Variants in FHIT observed in about 807,000 individuals in gnomAD.
The protein encoded by FHIT is fragile histidine triad diadenosine triphosphatase.
In FHIT, 19 loss-of-function variants were observed where a neutral mutation model predicts 17.9. That is an observed-to-expected ratio of 1.06 (90% CI 0.74 to 1.56). FHIT has a LOEUF of 1.56. Among genes scored for constraint, FHIT ranks in the 40% most tolerant of loss-of-function variants. FHIT has a pLI of 0.00. For missense variants in FHIT, 248 were observed against 189.2 expected, an observed-to-expected ratio of 1.31 and a Z score of -1.82; for synonymous variants, 81 against 69.7, an observed-to-expected ratio of 1.16 and a Z score of -0.81.
chr3:60,490,315 C>T (rs1291194179), intron 5 of FHIT, among the ~76,000 whole-genome samples: 1 of 152,054 alleles, frequency 6.6e-6, no homozygotes, highest in African/African-American at 2.4e-5. Context: ...AATAAACTCT[C>T]ACCTTAGTTA....
intron 5 of FHIT, among the ~76,000 whole-genome samples, chr3:60,228,118 A>C (rs1170563452): frequency 6.6e-6 from 1 of 152,152 alleles, no homozygotes; most frequent in Non-Finnish European, 1.5e-5. Flanking sequence ...AACAACAATA[A>C]TACAAGCTTT....
intron 1 of FHIT, 59 bp downstream of exon 1, chr3:61,251,242 A>C (rs1576298220): frequency 6.6e-6 from 1 of 152,386 alleles, no homozygotes; most frequent in Middle Eastern, 3.4e-3. Flanking sequence ...ACGCGCGTGG[A>C]AACCCAGACC....
intron 3 of FHIT, among the ~76,000 whole-genome samples, chr3:60,946,143 A>G (rs1708630769): frequency 1.3e-5 from 2 of 152,210 alleles, no homozygotes; most frequent in Admixed American, 1.3e-4. Context: ...GACGGATTGT[A>G]CATAAATCCT....
chr3:60,064,527 C>A (rs905139678), intron 5 of FHIT, among the ~76,000 whole-genome samples: 5 of 152,162 alleles, frequency 3.3e-5, no homozygotes, highest in East Asian at 3.9e-4. Context: ...ATCATCCACA[C>A]CCTGAATGAT....
chr3:60,461,232 TC>T (rs1320152935), intron 5 of FHIT, among the ~76,000 whole-genome samples: 2 of 152,202 alleles, frequency 1.3e-5, no homozygotes, highest in East Asian at 3.9e-4. Context: ...TTATTGATTT[TC>T]CTTTTGATTA....
chr3:59,927,476 A>AAAAAC (rs1705726206), intron 7 of FHIT, among the ~76,000 whole-genome samples: 1 of 150,898 alleles, frequency 6.6e-6, no homozygotes, highest in Non-Finnish European at 1.5e-5. Context: ...AAAAAAAAAA[A>AAAAAC]AAAACTGAAG....
chr3:61,083,547 G>A (rs1302906541), intron 2 of FHIT, among the ~76,000 whole-genome samples: 3 of 152,096 alleles, frequency 2.0e-5, no homozygotes, highest in Admixed American at 1.3e-4. Context: ...CCGAGATCGC[G>A]CCACTGCACT....
At chr3:60,298,376 A>G (rs766323750) in intron 5 of FHIT, among the ~76,000 whole-genome samples, 1 of 152,074 alleles carries the variant, frequency 6.6e-6, no homozygotes, top group Non-Finnish European at 1.5e-5. Flanking sequence ...ACCAGTTATC[A>G]TATTAGCATT....
At chr3:59,931,364 G>A (rs1397205898) in intron 7 of FHIT, among the ~76,000 whole-genome samples, 1 of 151,994 alleles carries the variant, frequency 6.6e-6, no homozygotes, top group Non-Finnish European at 1.5e-5. Context: ...TCGAGTCAAG[G>A]GTCAGCATGA....
chr3:60,635,462 A>AC (rs1445944436), intron 4 of FHIT, among the ~76,000 whole-genome samples: 2 of 150,604 alleles, frequency 1.3e-5, no homozygotes, highest in Non-Finnish European at 3.0e-5. Flanking sequence ...TTGCACATAA[A>AC]CCCCCCAACC....
chr3:60,842,773 G>A (rs1702785976), intron 3 of FHIT, among the ~76,000 whole-genome samples: 1 of 151,168 alleles, frequency 6.6e-6, no homozygotes, highest in African/African-American at 2.4e-5. Context: ...GAAATCATTA[G>A]CTTAAGCTAT....
intron 3 of FHIT, among the ~76,000 whole-genome samples, chr3:60,973,576 A>T (rs974429341): frequency 3.9e-5 from 6 of 152,102 alleles, no homozygotes; most frequent in African/African-American, 1.2e-4. Flanking sequence ...AATTTAAGCT[A>T]TTTCCACTTT....
intron 7 of FHIT, among the ~76,000 whole-genome samples, chr3:59,926,493 C>T (rs1045223546): frequency 8.6e-5 from 13 of 151,986 alleles, no homozygotes; most frequent in African/African-American, 1.9e-4. Context: ...AAAAACATAA[C>T]GGTATAAGGT....
intron 4 of FHIT, among the ~76,000 whole-genome samples, chr3:60,671,427 A>G (rs1347830554): frequency 4.6e-5 from 7 of 152,164 alleles, no homozygotes; most frequent in Non-Finnish European, 1.0e-4. Context: ...TGATGAATTG[A>G]CAAATAGAAA....
intron 8 of FHIT, among the ~76,000 whole-genome samples, chr3:59,821,169 A>C (rs1215958565): frequency 1.3e-5 from 2 of 152,236 alleles, no homozygotes; most frequent in South Asian, 2.1e-4. Context: ...AAGAGGGAAA[A>C]ACATAGAGGC....
At chr3:60,941,197 G>C (rs782277543) in intron 3 of FHIT, among the ~76,000 whole-genome samples, 4 of 152,154 alleles carry the variant, frequency 2.6e-5, no homozygotes, top group Non-Finnish European at 5.9e-5. Context: ...GTACTCAACA[G>C]TCACATGTAG....
chr3:60,598,782 G>A (rs994554465), intron 4 of FHIT, among the ~76,000 whole-genome samples: 2 of 152,122 alleles, frequency 1.3e-5, no homozygotes, highest in Non-Finnish European at 2.9e-5. Flanking sequence ...TAATTTGAGG[G>A]ATTACAGTGT....
intron 5 of FHIT, among the ~76,000 whole-genome samples, chr3:60,142,300 G>T (rs1451331382): frequency 2.6e-5 from 4 of 152,112 alleles, no homozygotes; most frequent in Admixed American, 6.5e-5. Flanking sequence ...GAACTGAATT[G>T]GGTACTGCTC....
intron 4 of FHIT, among the ~76,000 whole-genome samples, chr3:60,697,432 A>G (rs7641604): frequency 0.11 from 17,018 of 152,102 alleles, 2,067 homozygotes; most frequent in African/African-American, 0.3. Context: ...TGTACAAATT[A>G]TATTTCACAA....
Sources: gnomAD v4.1 joint callset for allele counts (sites outside exome capture counted in the v4.1 genomes callset) on GRCh38, gnomAD v4.1.1 for gene constraint, MANE v1.5 for transcripts, NCBI Gene and HGNC (gene_info 2026-07-23, HGNC 2026-07-21) for gene names.